Variants in RELN observed in about 807,000 individuals in gnomAD.
The protein encoded by RELN is reelin.
In RELN, 108 loss-of-function variants were observed where a neutral mutation model predicts 427.6. The observed-to-expected ratio is 0.25, with a 90% CI of 0.22 to 0.30. The LOEUF is 0.30. Among genes scored for constraint, RELN ranks in the 10% least tolerant of loss-of-function variants. RELN has a pLI of 1.00. For synonymous variants in RELN, 1,524 were observed against 1,513.4 expected, an observed-to-expected ratio of 1.01 and a Z score of -0.16; for missense variants, 3,715 against 4,302.8, an observed-to-expected ratio of 0.86 and a Z score of 3.82.
chr7:103,894,836 G>A (rs561410813), intron 2 of RELN, among the ~76,000 whole-genome samples: 1 of 152,246 alleles, frequency 6.6e-6, no homozygotes, highest in African/African-American at 2.4e-5. Flanking sequence ...AGCAGTTGGT[G>A]TGTTTAATAC....
Position 103,651,711 on chromosome 7 carries a change from A to T in RELN, c.1842T>A (p.Ala614=). 6 of 1,611,990 alleles carry T rather than the reference A, an allele frequency of 3.7e-6. 2 individuals carry two copies. In the South Asian group the frequency reaches 6.6e-5, roughly 18 times the overall value. ...LHTECLPEIC[A]GPHLPHSTVY... is the part of the protein sequence containing the mutation. Reference sequence around the variant, plus strand: ...CAGTGCTGTGGGGGAGGTGGGGTCCAGCACAGATCTCAGGTAAGCATTCAG... The same window carrying T: ...CAGTGCTGTGGGGGAGGTGGGGTCCTGCACAGATCTCAGGTAAGCATTCAG... Residue 614 remains alanine, a synonymous_variant, in exon 15 of 65, where the codon GCT becomes GCA. Coordinates refer to ENST00000428762, the MANE Select transcript of RELN (RefSeq NM_005045.4).
chr7:103,757,926 T>C, intron 4 of RELN, among the ~76,000 whole-genome samples: 1 of 152,214 alleles, frequency 6.6e-6, no homozygotes. Context: ...GAAAGATAAA[T>C]GATTTAATAA....
chr7:103,897,309 T>G (rs10233291), intron 2 of RELN, among the ~76,000 whole-genome samples: 66,637 of 151,872 alleles, frequency 0.44, 15,089 homozygotes, highest in East Asian at 0.75. Context: ...AGCAATTTCT[T>G]TCATCAAAGT....
In RELN at chr7:103,635,428, G is replaced by A; in HGVS notation, c.2462C>T (p.Pro821Leu). The change falls in exon 19 of 65, where the codon CCC becomes CTC. Residue 821 changes from proline to leucine, a missense_variant. Transcript: ENST00000428762. ...EHYSYLSYHE[P>L]RIISVELPGD... ...TTCCAAATGCTTTCCAACATACCTG[G>A]GCTCATGATAGCTGAGATATGAATA... 1.9e-6 allele frequency: 3 copies of A among 1,613,726 alleles called. No individual in the cohort carries two copies. Among genetic ancestry groups the A allele is most frequent in the Non-Finnish European group, 2.5e-6 (3 of 1,179,840 alleles).
chr7:103,506,496 A>G (rs951997094), intron 51 of RELN, among the ~76,000 whole-genome samples: 2 of 152,268 alleles, frequency 1.3e-5, no homozygotes, highest in African/African-American at 2.4e-5. Flanking sequence ...AATCCTTTAC[A>G]GACAAGCAAA....
intron 1 of RELN, among the ~76,000 whole-genome samples, chr7:103,961,982 G>A (rs1796566511): frequency 6.6e-6 from 1 of 152,070 alleles, no homozygotes; most frequent in Non-Finnish European, 1.5e-5. Context: ...AAGTTTTAGG[G>A]GTGAGGGGTG....
intron 28 of RELN, among the ~76,000 whole-genome samples, chr7:103,588,847 C>A (rs908589303): frequency 4.6e-5 from 7 of 152,210 alleles, no homozygotes; most frequent in Middle Eastern, 3.2e-3. Flanking sequence ...CACAGGACTT[C>A]TGCACTTCCC....
At chr7:103,780,235 C>G (rs953992410) in intron 3 of RELN, among the ~76,000 whole-genome samples, 1 of 152,174 alleles carries the variant, frequency 6.6e-6, no homozygotes, top group Non-Finnish European at 1.5e-5. Flanking sequence ...GTTCTGTGAG[C>G]CCCTCGACTT....
intron 4 of RELN, among the ~76,000 whole-genome samples, chr7:103,756,065 A>C (rs1441504723): frequency 6.6e-6 from 1 of 152,240 alleles, no homozygotes; most frequent in Non-Finnish European, 1.5e-5. Context: ...ATGTATAACA[A>C]AATATCTGCA....
Position 103,635,599 on chromosome 7 carries a change from T to A in RELN, c.2304-13A>T, listed in dbSNP as rs774202843. ...GAACTGGAGAAACCTAGACAGAAAT[T>A]GTCTATAATTAGTGTATGCATAAAC... is the stretch of plus-strand genomic sequence containing the variant. On this transcript the variant is annotated splice_polypyrimidine_tract_variant and intron_variant, in intron 18 of 64. Transcript: ENST00000428762. The A allele has an allele frequency of 1.9e-6, 3 of 1,610,680 alleles. No individual in the cohort carries two copies. Among genetic ancestry groups the A allele is most frequent in the Non-Finnish European group, 2.5e-6 (3 of 1,177,102 alleles).
intron 2 of RELN, among the ~76,000 whole-genome samples, chr7:103,874,929 G>C: frequency 6.8e-6 from 1 of 146,590 alleles, no homozygotes; most frequent in African/African-American, 2.4e-5. Context: ...AACAAAGCTG[G>C]AGGAATCACA....
chr7:103,840,296 G>C (rs533580705), intron 2 of RELN, among the ~76,000 whole-genome samples: 50 of 152,316 alleles, frequency 3.3e-4, no homozygotes, highest in Middle Eastern at 3.4e-3. Context: ...GCTCCTATCG[G>C]AGTGTGAGAC....
chr7:103,597,120 C>T (rs754723264), intron 24 of RELN, among the ~76,000 whole-genome samples: 29 of 152,204 alleles, frequency 1.9e-4, no homozygotes, highest in Admixed American at 5.2e-4. Flanking sequence ...CTCAAAGGTA[C>T]AATATGGATA....
intron 30 of RELN, 60 bp downstream of exon 30, chr7:103,574,032 G>T: frequency 7.9e-7 from 1 of 1,259,004 alleles, no homozygotes; most frequent in Non-Finnish European, 1.2e-6. Context: ...TTTTAAGTTA[G>T]ACTACATCGT....
chr7:103,742,887 A>G (rs1434759156), intron 6 of RELN, among the ~76,000 whole-genome samples: 1 of 152,174 alleles, frequency 6.6e-6, no homozygotes, highest in East Asian at 1.9e-4. Flanking sequence ...GCAGGCCAAC[A>G]TTCAAATTCA....
intron 6 of RELN, among the ~76,000 whole-genome samples, chr7:103,738,734 G>A (rs1790560869): frequency 7.8e-6 from 1 of 128,224 alleles, no homozygotes. Flanking sequence ...CCAGGCTGGA[G>A]TGCAGTGGCA....
rs149764982 is a variant in RELN, at chr7:103,586,402, T to C, written c.4145+3194A>G. 3.9e-5 allele frequency among the ~76,000 whole-genome samples: 6 copies of C among 151,992 alleles called. No individual in the cohort carries two copies. In the East Asian group the frequency reaches 1.2e-3, roughly 29 times the overall value. On this transcript the variant is annotated intron_variant, in intron 28 of 64. Coordinates refer to ENST00000428762, the MANE Select transcript of RELN (RefSeq NM_005045.4). ...AAAAATAAAAAATAAAAGCCATATA[T>C]GACAAACCCACAGCCAACATTATAC... is the stretch of plus-strand genomic sequence containing the variant.
chr7:103,849,951 T>A (rs1024891646), intron 2 of RELN, among the ~76,000 whole-genome samples: 3 of 152,184 alleles, frequency 2.0e-5, no homozygotes, highest in African/African-American at 7.2e-5. Flanking sequence ...TCATAAATCA[T>A]CTCTTTCAAG....
intron 1 of RELN, among the ~76,000 whole-genome samples, chr7:103,972,340 C>A (rs1306585791): frequency 6.6e-6 from 1 of 152,176 alleles, no homozygotes; most frequent in Non-Finnish European, 1.5e-5. Flanking sequence ...AGATTGCTTA[C>A]AAGTAAGAGA....
Sources: gnomAD v4.1 joint callset for allele counts (sites outside exome capture counted in the v4.1 genomes callset) on GRCh38, gnomAD v4.1.1 for gene constraint, MANE v1.5 for transcripts, NCBI Gene and HGNC (gene_info 2026-07-23, HGNC 2026-07-21) for gene names.